ADK: variants seen among roughly 807,000 people sequenced by gnomAD.
ADK encodes N6,N6-dimethyladenosine kinase.
ADK carries 24 observed loss-of-function variants against 44.7 expected under a neutral mutation model. That is an observed-to-expected ratio of 0.54 (90% CI 0.39 to 0.76). The LOEUF is 0.76. Among genes scored for constraint, ADK ranks in the 30% least tolerant of loss-of-function variants. ADK has a pLI of 0.00. For synonymous variants in ADK, 128 were observed against 142.6 expected (o/e 0.90, Z 0.73); for missense variants, 321 against 425.1 (o/e 0.76, Z 2.15).
intron 8 of ADK, among the ~76,000 whole-genome samples, chr10:74,595,660 G>C (rs1317230590): frequency 6.7e-6 from 1 of 149,502 alleles, no homozygotes; most frequent in Non-Finnish European, 1.5e-5. Flanking sequence ...ACAAGCGTGA[G>C]CTACCGCGCC....
intron 6 of ADK, among the ~76,000 whole-genome samples, chr10:74,416,330 T>C (rs542761026): frequency 6.6e-6 from 1 of 152,124 alleles, no homozygotes; most frequent in South Asian, 2.1e-4. Flanking sequence ...GACTCTAACC[T>C]CTTAAATCTA....
intron 9 of ADK, among the ~76,000 whole-genome samples, chr10:74,612,585 CTGTT>C (rs1288830096): frequency 1.3e-5 from 2 of 151,942 alleles, no homozygotes; most frequent in Non-Finnish European, 1.5e-5. Context: ...TGTAGGCTGT[CTGTT>C]TATTTTGTTG....
At chr10:74,623,050 A>G (rs1390056276) in intron 9 of ADK, among the ~76,000 whole-genome samples, 2 of 152,130 alleles carry the variant, frequency 1.3e-5, no homozygotes, top group Admixed American at 1.3e-4. Flanking sequence ...CGGCTTCTTG[A>G]ATCCCAGACT....
At chr10:74,230,057 T>G (rs1290568754) in intron 3 of ADK, among the ~76,000 whole-genome samples, 1 of 151,232 alleles carries the variant, frequency 6.6e-6, no homozygotes, top group Non-Finnish European at 1.5e-5. Flanking sequence ...TTTTTTTTTT[T>G]TTTTTTTGGT....
At chr10:74,681,004 G>A (rs1855584139) in intron 10 of ADK, among the ~76,000 whole-genome samples, 3 of 152,160 alleles carry the variant, frequency 2.0e-5, no homozygotes, top group Admixed American at 2.0e-4. Context: ...ATTTTCAGTT[G>A]ATCAAATGTA....
rs1403829901 is a variant in ADK at position 74,708,418 on chromosome 10, C to G, written c.1062C>G (p.Thr354=). ...ASIIIRRTGC[T]FPEKPDFH ...TCATAATTAGACGGACTGGCTGCAC[C>G]TTTCCTGAGAAGCCAGACTTCCACT... Residue 354 remains threonine, a synonymous_variant, in exon 11 of 11, where the codon ACC becomes ACG. Transcript: ENST00000539909. The G allele has an allele frequency of 6.2e-7, 1 of 1,612,428 alleles. No homozygotes were observed. Among genetic ancestry groups the G allele is most frequent in the Non-Finnish European group, 8.5e-7 (1 of 1,179,546 alleles).
chr10:74,524,923 A>G (rs141695972), intron 6 of ADK, among the ~76,000 whole-genome samples: 68 of 152,328 alleles, frequency 4.5e-4, no homozygotes, highest in African/African-American at 1.4e-3. Context: ...GTTTGCCTTC[A>G]TAGTACAATT....
intron 4 of ADK, among the ~76,000 whole-genome samples, chr10:74,337,888 G>A (rs771166415): frequency 6.6e-6 from 1 of 151,234 alleles, no homozygotes; most frequent in African/African-American, 2.4e-5. Flanking sequence ...TCAGCCTCCC[G>A]AGTAACTGGG....
rs1037875080 is a variant in ADK, at chr10:74,586,036, A to G, written c.727-3246A>G. ...TCTTTTCTTTCTGCCTCTGCATGTC[A>G]TGAATCTGACAACTAAAATTCTGCT... On this transcript the variant is annotated intron_variant, in intron 7 of 10. Transcript: ENST00000539909. Among the ~76,000 whole-genome samples the G allele has an allele frequency of 3.9e-5, 6 of 152,316 alleles. No individual in the cohort carries two copies. The East Asian group carries it at 5.8e-4, about 15-fold the overall frequency.
At chr10:74,257,054 A>T (rs1481629432) in intron 3 of ADK, among the ~76,000 whole-genome samples, 1 of 152,184 alleles carries the variant, frequency 6.6e-6, no homozygotes, top group Non-Finnish European at 1.5e-5. Context: ...TTGTTAAATA[A>T]AAGTGTGATA....
intron 7 of ADK, among the ~76,000 whole-genome samples, chr10:74,551,664 C>T (rs1365310806): frequency 6.6e-6 from 1 of 152,088 alleles, no homozygotes; most frequent in East Asian, 1.9e-4. Context: ...ATTTCTTTCC[C>T]TATAACCAAT....
At chr10:74,625,466 G>T (rs1490910939) in intron 9 of ADK, among the ~76,000 whole-genome samples, 1 of 152,052 alleles carries the variant, frequency 6.6e-6, no homozygotes, top group Admixed American at 6.5e-5. Context: ...TATATATATA[G>T]AGAAGACATC....
intron 6 of ADK, among the ~76,000 whole-genome samples, chr10:74,444,650 A>G (rs1417203397): frequency 2.0e-5 from 3 of 152,040 alleles, no homozygotes; most frequent in Non-Finnish European, 4.4e-5. Flanking sequence ...GTAAACATAT[A>G]ATTTATAATG....
intron 6 of ADK, among the ~76,000 whole-genome samples, chr10:74,408,811 T>G (rs1844058813): frequency 6.6e-6 from 1 of 152,176 alleles, no homozygotes; most frequent in Non-Finnish European, 1.5e-5. Flanking sequence ...GGTCTTTATC[T>G]TAGTCATCTT....
At chr10:74,303,588 GTTTTT>G (rs1185036462) in intron 3 of ADK, among the ~76,000 whole-genome samples, 14 of 68,578 alleles carry the variant, frequency 2.0e-4, no homozygotes, top group Middle Eastern at 0.012. Flanking sequence ...TTTTAATGTT[GTTTTT>G]TTTTTTTTTT....
chr10:74,580,525 A>C (rs991184661), intron 7 of ADK, among the ~76,000 whole-genome samples: 1 of 151,774 alleles, frequency 6.6e-6, no homozygotes, highest in East Asian at 1.9e-4. Flanking sequence ...CAGTGAGCTG[A>C]GATCATGCCA....
intron 2 of ADK, among the ~76,000 whole-genome samples, chr10:74,219,240 T>G (rs1844190656): frequency 6.6e-6 from 1 of 151,362 alleles, no homozygotes; most frequent in Non-Finnish European, 1.5e-5. Context: ...TAAAACAGAC[T>G]TTAAACCAAC....
intron 4 of ADK, among the ~76,000 whole-genome samples, chr10:74,370,284 CA>C (rs1222201347): frequency 6.6e-6 from 1 of 152,080 alleles, no homozygotes; most frequent in African/African-American, 2.4e-5. Flanking sequence ...ACTGTTAAAA[CA>C]AATTAGAAAA....
intron 5 of ADK, among the ~76,000 whole-genome samples, chr10:74,395,959 C>T (rs1421060980): frequency 2.6e-5 from 4 of 151,980 alleles, no homozygotes; most frequent in South Asian, 2.1e-4. Context: ...TGCAGTGAGC[C>T]GAGATTGTGC....
Sources: allele counts gnomAD v4.1 joint callset (sites outside exome capture counted in the v4.1 genomes callset), GRCh38; gene constraint gnomAD v4.1.1; transcripts MANE v1.5; gene names NCBI Gene and HGNC (gene_info 2026-07-23, HGNC 2026-07-21).